Variants in KLF8 observed in about 807,000 individuals in gnomAD.
The protein encoded by KLF8 is Krueppel-like factor 8.
KLF8 carries 10 observed loss-of-function variants against 18.2 expected under a neutral mutation model. The ratio of observed to expected loss-of-function variants is 0.55; its 90% confidence interval spans 0.34 to 0.93. The LOEUF (loss-of-function observed/expected upper bound fraction) is 0.93, where lower values mean the gene tolerates loss of function less well. Among genes scored for constraint, KLF8 ranks in the 40% least tolerant of loss-of-function variants. The pLI is 0.02. For missense variants in KLF8, 264 were observed against 277.9 expected (o/e 0.95, Z 0.36); for synonymous variants, 109 against 97.3 (o/e 1.12, Z -0.71).
the KLF8 span, among the ~76,000 whole-genome samples, chrX:55,969,549 G>A: frequency 1.3e-3 from 140 of 110,661 alleles, 1 homozygote; most frequent in Admixed American, 3.4e-3. Context: ...GAACTAGGAG[G>A]GCAAGAGCAA....
chrX:56,224,762 A>G, the KLF8 span, among the ~76,000 whole-genome samples: 1 of 111,962 alleles, frequency 8.9e-6, no homozygotes, highest in Non-Finnish European at 1.9e-5. Flanking sequence ...TCCTGCTCTT[A>G]TAACAAAATA....
At chrX:55,967,043 G>A in the KLF8 span, among the ~76,000 whole-genome samples, 1 of 111,545 alleles carries the variant, frequency 9.0e-6, no homozygotes, top group African/African-American at 3.3e-5. Flanking sequence ...GAATTAGTGA[G>A]CTTGAAGAAA....
chrX:56,093,127 T>C, the KLF8 span, among the ~76,000 whole-genome samples: 1 of 109,516 alleles, frequency 9.1e-6, no homozygotes, highest in Admixed American at 9.8e-5. Flanking sequence ...ACAGAAGAAA[T>C]GTTTGAAACA....
chrX:55,940,992 A>G, the KLF8 span, among the ~76,000 whole-genome samples: 4 of 111,815 alleles, frequency 3.6e-5, no homozygotes, highest in Admixed American at 9.5e-5. Flanking sequence ...TCAATCTACC[A>G]ATGACTTTCT....
the KLF8 span, among the ~76,000 whole-genome samples, chrX:56,219,655 A>G: frequency 9.0e-6 from 1 of 111,511 alleles, no homozygotes; most frequent in Admixed American, 9.5e-5. Context: ...ACTTTTTCCC[A>G]TCCTTGCCCC....
At chrX:56,056,683 A>C in the KLF8 span, among the ~76,000 whole-genome samples, 1 of 95,482 alleles carries the variant, frequency 1.0e-5, no homozygotes, top group Non-Finnish European at 2.1e-5. Flanking sequence ...TAACATTGGG[A>C]GATATACCTA....
intron 1 of KLF8, among the ~76,000 whole-genome samples, chrX:56,235,918 A>C (rs892354353): frequency 2.7e-5 from 3 of 112,292 alleles, no homozygotes; most frequent in African/African-American, 9.7e-5. Context: ...TTTTATTTAA[A>C]TGCTGCTGTG....
At chrX:56,080,524 A>T in the KLF8 span, among the ~76,000 whole-genome samples, 1 of 111,473 alleles carries the variant, frequency 9.0e-6, no homozygotes, top group Admixed American at 9.5e-5. Flanking sequence ...ATCCACTGTT[A>T]GTCTGATGGG....
intron 1 of KLF8, chrX:56,242,992 C>T (rs1260349543): frequency 6.1e-6 from 3 of 488,457 alleles, no homozygotes; most frequent in African/African-American, 2.3e-5. Context: ...AGGAGCCAGT[C>T]GAACGTATGC....
chrX:56,141,829 A>G, the KLF8 span, among the ~76,000 whole-genome samples: 1 of 112,017 alleles, frequency 8.9e-6, no homozygotes, highest in African/African-American at 3.2e-5. Flanking sequence ...ACAAATGACC[A>G]AAGGTCTCAC....
At chrX:55,939,121 G>C in the KLF8 span, among the ~76,000 whole-genome samples, 1 of 111,660 alleles carries the variant, frequency 9.0e-6, no homozygotes, top group South Asian at 3.8e-4. Context: ...CCACATGGTT[G>C]GAAGTAAAGC....
the KLF8 span, among the ~76,000 whole-genome samples, chrX:56,015,842 A>G: frequency 3.6e-5 from 4 of 112,024 alleles, 1 homozygote; most frequent in Admixed American, 9.5e-5. Context: ...AAAGGGAAAA[A>G]ATTAGAAGCC....
the KLF8 span, among the ~76,000 whole-genome samples, chrX:55,917,631 C>T: frequency 3.6e-5 from 4 of 111,125 alleles, no homozygotes; most frequent in Non-Finnish European, 7.5e-5. Context: ...GTATTTCACA[C>T]CCTGTCATCT....
intron 4 of KLF8, 49 bp downstream of exon 4, chrX:56,269,538 TG>T: frequency 9.0e-7 from 1 of 1,114,970 alleles, no homozygotes; most frequent in Non-Finnish European, 1.2e-6. Context: ...TGTGTGTGTG[TG>T]TGTGTGTGTA....
At chrX:56,007,630 C>G in the KLF8 span, among the ~76,000 whole-genome samples, 7 of 111,721 alleles carry the variant, frequency 6.3e-5, no homozygotes, top group East Asian at 1.7e-3. Flanking sequence ...CTCTTAAACT[C>G]TGTCTTTGAC....
the KLF8 span, among the ~76,000 whole-genome samples, chrX:55,926,143 C>T: frequency 9.0e-6 from 1 of 111,670 alleles, no homozygotes; most frequent in Admixed American, 9.5e-5. Flanking sequence ...GGATGAAGCA[C>T]AGATTCTGCT....
the KLF8 span, among the ~76,000 whole-genome samples, chrX:56,113,684 G>A: frequency 3.6e-3 from 389 of 108,780 alleles, 2 homozygotes; most frequent in African/African-American, 0.012. Context: ...TTACAGATCG[G>A]TTTTGAATTT....
At chrX:56,244,951 C>T (rs2066603632) in intron 1 of KLF8, among the ~76,000 whole-genome samples, 1 of 111,705 alleles carries the variant, frequency 9.0e-6, no homozygotes, top group African/African-American at 3.2e-5. Context: ...AAGGTGCTCA[C>T]CAGATTTGAG....
the KLF8 span, among the ~76,000 whole-genome samples, chrX:56,172,246 A>G: frequency 5.4e-5 from 6 of 110,519 alleles, no homozygotes; most frequent in Non-Finnish European, 1.1e-4. Context: ...TCCTAATGCT[A>G]TCCCTCTCCT....
Sources: allele counts gnomAD v4.1 joint callset (sites outside exome capture counted in the v4.1 genomes callset), GRCh38; gene constraint gnomAD v4.1.1; transcripts MANE v1.5; gene names NCBI Gene and HGNC (gene_info 2026-07-23, HGNC 2026-07-21).